The following SI variants were observed in gnomAD, a reference collection of about 807,000 sequenced individuals.
SI encodes sucrase-isomaltase, also known as sucrase-isomaltase, intestinal.
SI carries 235 observed loss-of-function variants against 253.3 expected under a neutral mutation model. That is an observed-to-expected ratio of 0.93 (90% confidence interval 0.83 to 1.03). SI has a LOEUF of 1.03. SI is among the 50% of genes least tolerant of loss of function. SI has a pLI of 0.00. For synonymous variants in SI, 819 were observed against 712.0 expected (o/e 1.15, Z -2.39); for missense variants, 2,442 against 2,211.1 (o/e 1.10, Z -2.09).
intron 13 of SI, among the ~76,000 whole-genome samples, chr3:165,052,848 A>G (rs948729713): frequency 1.3e-5 from 2 of 152,142 alleles, no homozygotes; most frequent in Non-Finnish European, 2.9e-5. Flanking sequence ...CATGAAATGT[A>G]GAAAGAATAT....
chr3:164,998,590 C>T lies in SI; in HGVS notation c.4490G>A (p.Trp1497Ter), dbSNP rs1322140554. ...YPTSGRWGGH[W>*]LGDNYARWDN... ...CCATCGTGCATAGTTGTCTCCAAGC[C>T]AGTGTCCTCCCCATCGTCCACTAGT... The change falls in exon 38 of 48, where the codon TGG becomes TAG. Residue 1497 changes from tryptophan to a stop codon, truncating the protein, a stop_gained. Transcript: ENST00000264382. LOFTEE classifies it high-confidence loss of function. The T allele has an allele frequency of 2.5e-6, 4 of 1,612,100 alleles. No homozygotes were observed. The highest frequency in any genetic ancestry group is 1.7e-5 in the Admixed American group (1 of 59,786).
At chr3:165,050,433 C>G (rs763022106) in intron 13 of SI, among the ~76,000 whole-genome samples, 3 of 152,098 alleles carry the variant, frequency 2.0e-5, no homozygotes, top group Non-Finnish European at 4.4e-5. Flanking sequence ...TGATCACACT[C>G]TGAGAACCAA....
At chr3:164,986,715 C>T (rs1021807167) in intron 45 of SI, among the ~76,000 whole-genome samples, 1 of 152,128 alleles carries the variant, frequency 6.6e-6, no homozygotes, top group African/African-American at 2.4e-5. Flanking sequence ...GGCTGTGACC[C>T]TTATGATAAA....
chr3:165,043,307 TA>T (rs1433792188), intron 16 of SI, 132 bp from the exon 17 acceptor site: 1 of 629,078 alleles, frequency 1.6e-6, no homozygotes, highest in African/African-American at 1.8e-5. Flanking sequence ...TATGCTTCCT[TA>T]AACCAATTTA....
intron 47 of SI, 68 bp downstream of exon 47, chr3:164,982,175 A>C: frequency 8.8e-7 from 1 of 1,137,648 alleles, no homozygotes; most frequent in Non-Finnish European, 1.3e-6. Flanking sequence ...CAGATGAGGG[A>C]TATAAGAAGT....
intron 20 of SI, 136 bp from the exon 21 acceptor site, chr3:165,038,160 T>C (rs931833583): frequency 1.3e-6 from 1 of 759,510 alleles, no homozygotes; most frequent in Non-Finnish European, 2.0e-6. Context: ...TTTCTAACTT[T>C]AGGAGAATTT....
intron 12 of SI, 34 bp downstream of exon 12, chr3:165,058,929 G>T: frequency 6.3e-7 from 1 of 1,582,646 alleles, no homozygotes; most frequent in South Asian, 1.1e-5. Context: ...AAGAAAATTT[G>T]AGCAACATAG....
chr3:165,030,950 G>A, intron 24 of SI, 83 bp from the exon 25 acceptor site: 6 of 1,448,884 alleles, frequency 4.1e-6, no homozygotes, highest in East Asian at 5.0e-5. Context: ...TCTGATCATT[G>A]GATGATTTAA....
At chr3:165,023,315 CTT>C (rs920469531) in intron 26 of SI, among the ~76,000 whole-genome samples, 10 of 151,320 alleles carry the variant, frequency 6.6e-5, no homozygotes, top group African/African-American at 2.2e-4. Context: ...TAATAAATGA[CTT>C]ATGTATTTTG....
chr3:164,989,396 G>T (rs1335799683), intron 44 of SI, among the ~76,000 whole-genome samples: 1 of 132,574 alleles, frequency 7.5e-6, no homozygotes, highest in Non-Finnish European at 1.7e-5. Context: ...AAGGAAGAAA[G>T]AAAGAAAGAA....
chr3:165,051,569 A>G (rs1378999597), intron 13 of SI, among the ~76,000 whole-genome samples: 1 of 152,104 alleles, frequency 6.6e-6, no homozygotes, highest in African/African-American at 2.4e-5. Context: ...TTCCGCCAAT[A>G]ACATTAAATT....
intron 5 of SI, among the ~76,000 whole-genome samples, chr3:165,068,348 T>G (rs1014384969): frequency 1.3e-5 from 2 of 152,200 alleles, no homozygotes; most frequent in Non-Finnish European, 2.9e-5. Context: ...ATAAACAATT[T>G]GAGAGAAGTG....
chr3:164,987,540 C>T (rs1370404449), intron 44 of SI, among the ~76,000 whole-genome samples: 2 of 152,134 alleles, frequency 1.3e-5, no homozygotes, highest in African/African-American at 4.8e-5. Flanking sequence ...GAAACTCCGT[C>T]TCTACTAAAG....
chr3:165,074,127 A>T (rs2108113293), intron 3 of SI, among the ~76,000 whole-genome samples: 1 of 152,152 alleles, frequency 6.6e-6, no homozygotes, highest in Admixed American at 6.6e-5. Flanking sequence ...ATTTTCATAA[A>T]ATGAGTATTT....
chr3:165,022,535 T>TCACACA (rs10686237), intron 26 of SI, among the ~76,000 whole-genome samples: 4,880 of 137,850 alleles, frequency 0.035, 100 homozygotes, highest in East Asian at 0.071. Context: ...TTGTGCCATC[T>TCACACA]CACACACACA....
At chr3:165,056,975 T>G (rs1220932045) in intron 12 of SI, among the ~76,000 whole-genome samples, 3 of 151,796 alleles carry the variant, frequency 2.0e-5, no homozygotes, top group South Asian at 2.1e-4. Context: ...AAAACCAGAA[T>G]TCACAAAACG....
At chr3:165,044,855 T>C (rs2108225407) in intron 16 of SI, among the ~76,000 whole-genome samples, 1 of 152,188 alleles carries the variant, frequency 6.6e-6, no homozygotes, top group Middle Eastern at 3.4e-3. Flanking sequence ...CATTTTATAT[T>C]TTCTTCTGAA....
chr3:164,991,715 G>T (rs1214113586), intron 43 of SI, among the ~76,000 whole-genome samples: 2 of 151,954 alleles, frequency 1.3e-5, no homozygotes, highest in African/African-American at 2.4e-5. Context: ...TTTTAAAAAA[G>T]CATATCTTTA....
chr3:165,086,380 G>C, the SI span, among the ~76,000 whole-genome samples: 1 of 152,146 alleles, frequency 6.6e-6, no homozygotes, highest in Non-Finnish European at 1.5e-5. Flanking sequence ...CTGTGCTTTG[G>C]ATAGGAACTA....
Sources: gnomAD v4.1 joint callset for allele counts (sites outside exome capture counted in the v4.1 genomes callset) on GRCh38, gnomAD v4.1.1 for gene constraint, MANE v1.5 for transcripts, NCBI Gene and HGNC (gene_info 2026-07-23, HGNC 2026-07-21) for gene names.